GYG1: variants seen among roughly 807,000 people sequenced by gnomAD.
The protein encoded by GYG1 is glycogenin-1.
A neutral mutation model predicts 41.9 loss-of-function variants in GYG1; 44 were observed. The observed-to-expected ratio is 1.05, with a 90% CI of 0.83 to 1.35. The LOEUF is 1.35. GYG1 is among the 40% of genes most tolerant of loss of function. The pLI is 0.00. For missense variants in GYG1, 429 were observed against 418.9 expected (o/e 1.02, Z -0.21); for synonymous variants, 141 against 158.1 (o/e 0.89, Z 0.81).
chr3:148,998,734 T>G (rs1712942606), intron 4 of GYG1, among the ~76,000 whole-genome samples: 1 of 152,230 alleles, frequency 6.6e-6, no homozygotes, highest in South Asian at 2.1e-4. Context: ...GTATTAGCCT[T>G]TAAGTTCAAA....
chr3:149,020,477 G>C (rs1328244114), intron 5 of GYG1, among the ~76,000 whole-genome samples: 1 of 152,194 alleles, frequency 6.6e-6, no homozygotes, highest in African/African-American at 2.4e-5. Flanking sequence ...CACCAGCCAT[G>C]GGATCCTGGA....
At chr3:149,003,112 T>G (rs1047852227) in intron 4 of GYG1, among the ~76,000 whole-genome samples, 98 of 114,480 alleles carry the variant, frequency 8.6e-4, no homozygotes, top group Non-Finnish European at 8.8e-4. Context: ...TATTTTACTA[T>G]AATTTTTTTT....
Position 149,026,791 on chromosome 3 carries a change from C to T in GYG1, c.911C>T (p.Ser304Phe), listed in dbSNP as rs772107921. ...EDVSGAISHL[S>F]LGEIPAMAQP... is the part of the protein sequence containing the mutation. Reference sequence around the variant, plus strand: ...GTCTCAGGAGCCATATCACATCTGTCCCTTGGGGAGATCCCAGCTATGGCA... The same window carrying T: ...GTCTCAGGAGCCATATCACATCTGTTCCTTGGGGAGATCCCAGCTATGGCA... The change falls in exon 8 of 8, where the codon TCC (serine) becomes TTC (phenylalanine). Residue 304 changes from serine (S) to phenylalanine (F), a missense_variant. By Grantham distance (155) the Ser-to-Phe change is radical. Transcript: ENST00000345003. 6 of 1,613,466 alleles carry T rather than the reference C, an allele frequency of 3.7e-6. No homozygotes were observed. The highest frequency in any genetic ancestry group is 5.1e-6 in the Non-Finnish European group (6 of 1,179,442).
In GYG1 at chr3:149,030,093, TAAAGTC is replaced by T. The variant is rs546326507; in HGVS notation, c.*3164_*3169del. On this transcript the variant is annotated 3_prime_UTR_variant, in exon 8 of 8. Transcript: ENST00000345003. ...ATTAATGAAGGATTTTATTTGAAGATAAAGTCAAAATTATGGCACCGAGGAAGGTAA... is the reference window on the plus strand; with the variant it reads ...ATTAATGAAGGATTTTATTTGAAGATAAAATTATGGCACCGAGGAAGGTAA... 1.1e-4 allele frequency: 17 copies of T among 152,324 alleles called. No individual in the cohort carries two copies. In the East Asian group the frequency reaches 2.9e-3, roughly 26 times the overall value. The allele number at this position is 152,324 out of a possible 1,614,324, so 9.4% of individuals were successfully genotyped here.
intron 4 of GYG1, chr3:149,001,364 G>A (rs1292591593): frequency 6.6e-6 from 1 of 152,172 alleles, no homozygotes; most frequent in Non-Finnish European, 1.5e-5. Flanking sequence ...ATCATGTAAT[G>A]GCAAAATTAA....
intron 5 of GYG1, among the ~76,000 whole-genome samples, chr3:149,019,649 G>A (rs1345884435): frequency 1.3e-5 from 2 of 152,202 alleles, no homozygotes; most frequent in South Asian, 2.1e-4. Context: ...GGTAATTTGA[G>A]GAAGGAGGAT....
intron 1 of GYG1, 76 bp downstream of exon 1, chr3:148,991,723 G>C: frequency 8.5e-7 from 1 of 1,181,030 alleles, no homozygotes; most frequent in South Asian, 1.3e-5. Context: ...CTTCTCCTCC[G>C]CCCTCAGCCC....
intron 5 of GYG1, among the ~76,000 whole-genome samples, chr3:149,010,640 T>G (rs888823021): frequency 3.3e-5 from 5 of 152,236 alleles, no homozygotes; most frequent in African/African-American, 1.2e-4. Flanking sequence ...GGTGCAGTTC[T>G]GATACACCTT....
At chr3:149,015,113 G>C (rs368957670) in intron 5 of GYG1, among the ~76,000 whole-genome samples, 21 of 152,204 alleles carry the variant, frequency 1.4e-4, no homozygotes, top group African/African-American at 5.1e-4. Context: ...TGACTGGAAT[G>C]ATAGAGTTGC....
intron 1 of GYG1, 79 bp downstream of exon 1, chr3:148,991,726 C>T (rs929791491): frequency 8.5e-6 from 10 of 1,178,514 alleles, no homozygotes; most frequent in Admixed American, 2.1e-5. Context: ...CTCCTCCGCC[C>T]TCAGCCCCGG....
Position 149,009,351 on chromosome 3 carries a change from T to A in GYG1, c.557T>A (p.Ile186Asn), listed in dbSNP as rs1282702860. 1 of 1,612,312 alleles carries A rather than the reference T, an allele frequency of 6.2e-7. No homozygotes were observed. The highest frequency in any genetic ancestry group is 1.3e-5 in the African/African-American group (1 of 74,888). Residue 186 changes from isoleucine to asparagine, a missense_variant, in exon 5 of 8, where the codon ATT (isoleucine) becomes AAT (asparagine). By Grantham distance (149) the Ile-to-Asn change is moderately radical. Coordinates refer to ENST00000345003, the MANE Select transcript of GYG1 (RefSeq NM_004130.4). ...TTDIRKHLPFIYNLSSISIYS... is the reference protein window; with the variant it reads ...TTDIRKHLPFNYNLSSISIYS... Reference sequence around the variant, plus strand: ...GATATCAGAAAACACCTGCCGTTTATTTATAACCTAAGCAGCATCTCTATA... The same window carrying A: ...GATATCAGAAAACACCTGCCGTTTAATTATAACCTAAGCAGCATCTCTATA...
chr3:148,995,135 G>A (rs1454052662), intron 2 of GYG1, among the ~76,000 whole-genome samples: 4 of 152,194 alleles, frequency 2.6e-5, no homozygotes, highest in African/African-American at 4.8e-5. Flanking sequence ...GCTTGAACCC[G>A]GGAGGCAGAG....
At chr3:149,012,997 TTGTGTGTGTGTGTG>T (rs10575910) in intron 5 of GYG1, among the ~76,000 whole-genome samples, 422 of 141,462 alleles carry the variant, frequency 3.0e-3, no homozygotes, top group Middle Eastern at 0.021. Flanking sequence ...CTCAGTTAAT[TTGTGTGTGTGTGTG>T]TGTGTGTGTG....
Position 148,996,445 on chromosome 3 carries a change from C to A in GYG1, c.287C>A (p.Ser96Ter), listed in dbSNP as rs1447841067. 2 of 1,613,676 alleles carry A rather than the reference C, an allele frequency of 1.2e-6. No individual in the cohort carries two copies. The highest frequency in any genetic ancestry group is 2.7e-5 in the African/African-American group (2 of 74,884). The change falls in exon 3 of 8, where the codon TCA (serine) becomes TAA (stop). Residue 96 changes from serine to a stop codon, truncating the protein, a stop_gained. Coordinates refer to ENST00000345003, the MANE Select transcript of GYG1 (RefSeq NM_004130.4). LOFTEE classifies it high-confidence loss of function. ...KLHCWSLTQY[S>*]KCVFMDADTL... ...CACTGCTGGTCGCTTACACAGTATT[C>A]AAAATGTGTATTCATGGATGCAGAT...
intron 4 of GYG1, among the ~76,000 whole-genome samples, chr3:149,008,442 G>A (rs1713531654): frequency 6.6e-6 from 1 of 152,156 alleles, no homozygotes; most frequent in South Asian, 2.1e-4. Context: ...TCGGTGGTGT[G>A]CACTATTTTT....
intron 5 of GYG1, among the ~76,000 whole-genome samples, chr3:149,010,636 G>A (rs1360012515): frequency 6.6e-6 from 1 of 152,176 alleles, no homozygotes; most frequent in Admixed American, 6.5e-5. Context: ...CCCTGGTGCA[G>A]TTCTGATACA....
At chr3:149,008,905 C>A (rs1200686582) in intron 4 of GYG1, 2 of 226,938 alleles carry the variant, frequency 8.8e-6, no homozygotes, top group Non-Finnish European at 1.8e-5. Flanking sequence ...CGTTGGTAGT[C>A]CTTGCACTTT....
Position 149,028,448 on chromosome 3 carries a change from A to G in GYG1, c.*1515A>G, listed in dbSNP as rs558120504. On this transcript the variant is annotated 3_prime_UTR_variant, in exon 8 of 8. Coordinates refer to ENST00000345003, the MANE Select transcript of GYG1 (RefSeq NM_004130.4). ...ACAATGAAGCATTTACCAAAGATTT[A>G]TTTAAGTGCCTCCATGTGTCAGATG... 1.2e-4 allele frequency among the ~76,000 whole-genome samples: 18 copies of G among 152,314 alleles called. No individual in the cohort carries two copies. Among genetic ancestry groups the G allele is most frequent in the African/African-American group, 4.3e-4 (18 of 41,592 alleles).
rs752987232 is a variant in GYG1, at chr3:149,009,327, A to C, written c.533A>C (p.Asp178Ala). Residue 178 changes from aspartate (D) to alanine (A), a missense_variant, in exon 5 of 8, where the codon GAT becomes GCT. Transcript: ENST00000345003. ...TTTTTTAGCAGCTGGGCAACAACAG[A>C]TATCAGAAAACACCTGCCGTTTATT... is the stretch of plus-strand genomic sequence containing the variant. ...NTFFSSWATT[D>A]IRKHLPFIYN... is the part of the protein sequence containing the mutation. 1 of 1,613,242 alleles carries C rather than the reference A, an allele frequency of 6.2e-7. No individual in the cohort carries two copies. The highest frequency in any genetic ancestry group is 1.3e-5 in the African/African-American group (1 of 75,038).
Sources: allele counts gnomAD v4.1 joint callset (sites outside exome capture counted in the v4.1 genomes callset), GRCh38; gene constraint gnomAD v4.1.1; transcripts MANE v1.5; gene names NCBI Gene and HGNC (gene_info 2026-07-23, HGNC 2026-07-21).